The following B4GALNT3 variants were observed in gnomAD, a reference collection of about 807,000 sequenced individuals.
B4GALNT3 encodes the protein beta-1,4-N-acetyl-galactosaminyltransferase 3, also known as beta-1,4-N-acetylgalactosaminyltransferase 3.
A neutral mutation model predicts 120.2 loss-of-function variants in B4GALNT3; 86 were observed. The ratio of observed to expected loss-of-function variants is 0.72; its 90% CI spans 0.60 to 0.86. The LOEUF (loss-of-function observed/expected upper bound fraction) is 0.86. B4GALNT3 is among the 40% of genes least tolerant of loss of function. B4GALNT3 has a pLI of 0.00. For synonymous variants in B4GALNT3, 518 were observed against 510.4 expected (o/e 1.01, Z -0.20); for missense variants, 1,167 against 1,298.9 (o/e 0.90, Z 1.56).
At chr12:559,202 C>G in intron 18 of B4GALNT3, 93 bp from the exon 19 acceptor site, 1 of 1,536,368 alleles carries the variant, frequency 6.5e-7, no homozygotes. Flanking sequence ...CTCTGACTTT[C>G]AGAAGAGCCT....
intron 1 of B4GALNT3, among the ~76,000 whole-genome samples, chr12:532,409 C>T (rs1027849099): frequency 3.9e-5 from 6 of 152,282 alleles, no homozygotes; most frequent in Admixed American, 1.3e-4. Flanking sequence ...AGTTACAGGT[C>T]GTGAAGATGG....
intron 2 of B4GALNT3, among the ~76,000 whole-genome samples, chr12:535,868 G>T (rs1264990602): frequency 6.6e-6 from 1 of 152,160 alleles, no homozygotes; most frequent in Non-Finnish European, 1.5e-5. Context: ...GCACAATAGG[G>T]AGGGTTTGGT....
Position 498,099 on chromosome 12 carries a change from C to T in B4GALNT3, c.170-37067C>T, listed in dbSNP as rs192385688. 5.8e-4 allele frequency among the ~76,000 whole-genome samples: 89 copies of T among 152,254 alleles called. 6 individuals carry two copies. The highest frequency in any genetic ancestry group is 1.6e-3 in the African/African-American group (67 of 41,550). ...CACACACGCCCCTTCACTGCCCTGT[C>T]GGTTGCGAAGTTCTTCATGCTGTCT... On this transcript the variant is annotated intron_variant, in intron 1 of 19. Coordinates refer to ENST00000266383, the MANE Select transcript of B4GALNT3 (RefSeq NM_173593.4).
At chr12:463,914 T>C (rs185864549) in intron 1 of B4GALNT3, among the ~76,000 whole-genome samples, 1 of 152,298 alleles carries the variant, frequency 6.6e-6, no homozygotes, top group Admixed American at 6.5e-5. Flanking sequence ...AGAGTGGCAT[T>C]TATTCAGTAG....
chr12:494,942 T>A (rs1436937507), intron 1 of B4GALNT3, among the ~76,000 whole-genome samples: 5 of 152,202 alleles, frequency 3.3e-5, no homozygotes, highest in African/African-American at 1.2e-4. Flanking sequence ...CCCCTTTAGC[T>A]ACAAGTGAGG....
At chr12:554,040 C>G (rs1947115434) in intron 14 of B4GALNT3, 57 bp downstream of exon 14, 8 of 1,303,888 alleles carry the variant, frequency 6.1e-6, no homozygotes, top group South Asian at 6.1e-5. Flanking sequence ...GCCAGCTGGC[C>G]TGGAAGGCAG....
chr12:546,755 C>T lies in B4GALNT3; in HGVS notation c.707+42C>T, dbSNP rs1947012753. 6 of 1,529,170 alleles carry T rather than the reference C, an allele frequency of 3.9e-6. No homozygotes were observed. In the African/African-American group the frequency reaches 5.5e-5, roughly 14 times the overall value. The allele number at this position is 1,529,170 out of a possible 1,614,324, so 94.7% of individuals were successfully genotyped here. On this transcript the variant is annotated intron_variant, in intron 7 of 19. Transcript: ENST00000266383. Reference sequence around the variant, plus strand: ...ACAGGCGCTGTGGGCGCCTCGGTGCCTCGGTGGAGCCCGGCTGCGCCCCTG... The same window carrying T: ...ACAGGCGCTGTGGGCGCCTCGGTGCTTCGGTGGAGCCCGGCTGCGCCCCTG...
In B4GALNT3 at chr12:544,911, G is replaced by A. The variant is rs1233787301; in HGVS notation, c.477G>A (p.Val159=). Residue 159 remains valine, a synonymous_variant, in exon 5 of 20, where the codon GTG becomes GTA. Coordinates refer to ENST00000266383, the MANE Select transcript of B4GALNT3 (RefSeq NM_173593.4). ...HIRTTLRKLA[V]SPKWTNYGLR... ...GCACAACCCTGAGGAAGCTTGCTGT[G>A]TCCCCCAAATGGACCAACTATGGCC... is the stretch of plus-strand genomic sequence containing the variant. 1.2e-6 allele frequency: 2 copies of A among 1,613,916 alleles called. No individual in the cohort carries two copies. Among genetic ancestry groups the A allele is most frequent in the South Asian group, 2.2e-5 (2 of 91,070 alleles).
intron 1 of B4GALNT3, among the ~76,000 whole-genome samples, chr12:528,668 G>T (rs1946779458): frequency 6.6e-6 from 1 of 152,100 alleles, no homozygotes; most frequent in African/African-American, 2.4e-5. Context: ...GCCACTTCAG[G>T]TTTCTGGCGG....
chr12:489,386 A>C (rs1269732455), intron 1 of B4GALNT3, among the ~76,000 whole-genome samples: 1 of 151,872 alleles, frequency 6.6e-6, no homozygotes, highest in Non-Finnish European at 1.5e-5. Context: ...ATAGAAAGAG[A>C]GCGTAAGGGC....
intron 1 of B4GALNT3, among the ~76,000 whole-genome samples, chr12:496,829 C>T (rs1946393570): frequency 6.6e-6 from 1 of 152,208 alleles, no homozygotes; most frequent in South Asian, 2.1e-4. Flanking sequence ...TTTCACTTAG[C>T]ATGACGTTTT....
intron 1 of B4GALNT3, among the ~76,000 whole-genome samples, chr12:514,409 G>T (rs993249388): frequency 6.6e-6 from 1 of 151,722 alleles, no homozygotes; most frequent in African/African-American, 2.4e-5. Context: ...GTGTTAGCCA[G>T]GATGGTCTCG....
intron 1 of B4GALNT3, among the ~76,000 whole-genome samples, chr12:462,238 T>C (rs58362874): frequency 0.032 from 4,859 of 152,174 alleles, 319 homozygotes; most frequent in Admixed American, 0.15. Flanking sequence ...CTCCTCCCAG[T>C]GTAGCCATCA....
At chr12:472,524 G>A (rs536917515) in intron 1 of B4GALNT3, among the ~76,000 whole-genome samples, 4 of 152,216 alleles carry the variant, frequency 2.6e-5, no homozygotes, top group South Asian at 2.1e-4. Flanking sequence ...TGCAAGCTCC[G>A]CCTCCCGGGT....
At chr12:486,219 T>C (rs967818589) in intron 1 of B4GALNT3, among the ~76,000 whole-genome samples, 1 of 148,388 alleles carries the variant, frequency 6.7e-6, no homozygotes, top group Middle Eastern at 3.4e-3. Flanking sequence ...TTTTTTTTTT[T>C]TTTTTTTTGA....
At chr12:540,222 C>T (rs192018392) in intron 3 of B4GALNT3, among the ~76,000 whole-genome samples, 1 of 152,362 alleles carries the variant, frequency 6.6e-6, no homozygotes, top group East Asian at 1.9e-4. Flanking sequence ...CCTCGTACCT[C>T]TGCCAGAGCC....
intron 1 of B4GALNT3, among the ~76,000 whole-genome samples, chr12:522,207 T>G (rs1459526439): frequency 6.6e-6 from 1 of 152,184 alleles, no homozygotes; most frequent in African/African-American, 2.4e-5. Flanking sequence ...GAGAGATATT[T>G]GCACACTCTT....
intron 1 of B4GALNT3, among the ~76,000 whole-genome samples, chr12:518,716 A>G (rs1361686141): frequency 6.6e-6 from 1 of 152,194 alleles, no homozygotes; most frequent in African/African-American, 2.4e-5. Flanking sequence ...ATATACTTTA[A>G]ATCATCTGTA....
chr12:462,301 A>C (rs1946029583), intron 1 of B4GALNT3, among the ~76,000 whole-genome samples: 1 of 151,416 alleles, frequency 6.6e-6, no homozygotes, highest in Non-Finnish European at 1.5e-5. Context: ...AGAGAAAGGC[A>C]GTTGCTTTGT....
Sources: gnomAD v4.1 joint callset for allele counts (sites outside exome capture counted in the v4.1 genomes callset) on GRCh38, gnomAD v4.1.1 for gene constraint, MANE v1.5 for transcripts, NCBI Gene and HGNC (gene_info 2026-07-23, HGNC 2026-07-21) for gene names.